TMEM45B: variants seen among roughly 807,000 people sequenced by gnomAD.
TMEM45B encodes transmembrane protein 45B.
TMEM45B carries 29 observed loss-of-function variants against 27.3 expected under a neutral mutation model. The ratio of observed to expected loss-of-function variants is 1.06; its 90% CI spans 0.79 to 1.45. The LOEUF is 1.45. TMEM45B is among the 40% of genes most tolerant of loss of function. The probability of loss-of-function intolerance (pLI) is 0.00; values close to 1 mark genes in which losing one functional copy is unlikely to be tolerated. For missense variants in TMEM45B, 348 were observed against 343.9 expected (o/e 1.01, Z -0.09); for synonymous variants, 143 against 134.7 (o/e 1.06, Z -0.43).
intron 1 of TMEM45B, among the ~76,000 whole-genome samples, chr11:129,838,874 TC>T (rs1173142408): frequency 6.6e-6 from 1 of 152,164 alleles, no homozygotes. Context: ...ATTCCTGCTT[TC>T]CCCCTCTAAA....
intron 1 of TMEM45B, among the ~76,000 whole-genome samples, chr11:129,821,529 A>G (rs1365776793): frequency 6.6e-6 from 1 of 152,142 alleles, no homozygotes; most frequent in Non-Finnish European, 1.5e-5. Flanking sequence ...TTCTTAAAGA[A>G]GGCTCCCAAA....
intron 1 of TMEM45B, among the ~76,000 whole-genome samples, chr11:129,837,534 G>A (rs1258379504): frequency 2.7e-5 from 4 of 147,916 alleles, no homozygotes; most frequent in Non-Finnish European, 5.9e-5. Context: ...CAATCTGCCC[G>A]CCTCGGCCTC....
intron 1 of TMEM45B, among the ~76,000 whole-genome samples, chr11:129,832,147 G>A (rs1242777218): frequency 6.6e-6 from 1 of 151,278 alleles, no homozygotes; most frequent in East Asian, 1.9e-4. Context: ...GAGGCAGGTG[G>A]ATCATGAGGT....
At chr11:129,829,674 A>G (rs1247855835) in intron 1 of TMEM45B, among the ~76,000 whole-genome samples, 1 of 152,220 alleles carries the variant, frequency 6.6e-6, no homozygotes, top group Non-Finnish European at 1.5e-5. Flanking sequence ...TTTTTCCAGG[A>G]AGCTTTCATG....
chr11:129,848,751 T>C (rs1669758547), intron 1 of TMEM45B, among the ~76,000 whole-genome samples: 1 of 152,168 alleles, frequency 6.6e-6, no homozygotes, highest in Admixed American at 6.5e-5. Context: ...CTGGGTAACT[T>C]ATAAAGAACA....
chr11:129,855,143 G>T (rs146833711), intron 3 of TMEM45B, among the ~76,000 whole-genome samples: 6 of 152,272 alleles, frequency 3.9e-5, no homozygotes, highest in Non-Finnish European at 7.4e-5. Flanking sequence ...GGACGTATGT[G>T]CGCACATACA....
At chr11:129,858,307 T>A (rs1175300572) in intron 5 of TMEM45B, among the ~76,000 whole-genome samples, 1 of 152,188 alleles carries the variant, frequency 6.6e-6, no homozygotes, top group African/African-American at 2.4e-5. Flanking sequence ...TCAAGTCAGT[T>A]TCTTTTAGTT....
rs1947633090 is a variant in TMEM45B at position 129,837,353 on chromosome 11, T to G, written c.-8-15122T>G. On this transcript the variant is annotated intron_variant, in intron 1 of 5. Transcript: ENST00000281441. ...CAGGCTGAAGTGCAGTGGCGCCATC[T>G]CAGCTCACTGCAACCTCTGCCTCCC... Among the ~76,000 whole-genome samples the G allele has an allele frequency of 3.9e-5, 6 of 151,986 alleles. No homozygotes were observed. In the South Asian group the frequency reaches 1.3e-3, roughly 32 times the overall value.
chr11:129,856,040 C>A (rs76050748), intron 4 of TMEM45B, 148 bp downstream of exon 4: 5 of 898,956 alleles, frequency 5.6e-6, no homozygotes, highest in Non-Finnish European at 8.3e-6. Flanking sequence ...CTTTTCCCCC[C>A]ATGCCCGCCC....
intron 1 of TMEM45B, among the ~76,000 whole-genome samples, chr11:129,838,750 A>G (rs1159651276): frequency 2.6e-5 from 4 of 152,292 alleles, no homozygotes; most frequent in Middle Eastern, 3.4e-3. Context: ...CTCTGGGAGC[A>G]ACGTAATGTT....
intron 1 of TMEM45B, among the ~76,000 whole-genome samples, chr11:129,851,653 C>T (rs1434553715): frequency 6.6e-6 from 1 of 151,888 alleles, no homozygotes. Flanking sequence ...GTATTTTTCT[C>T]CCACCCTACA....
intron 1 of TMEM45B, among the ~76,000 whole-genome samples, chr11:129,822,926 C>T (rs1947437385): frequency 6.6e-6 from 1 of 151,306 alleles, no homozygotes; most frequent in Non-Finnish European, 1.5e-5. Context: ...CTGCAAGCTC[C>T]GCCTCCCGAG....
At chr11:129,843,307 A>G (rs1219064437) in intron 1 of TMEM45B, among the ~76,000 whole-genome samples, 1 of 152,188 alleles carries the variant, frequency 6.6e-6, no homozygotes, top group Non-Finnish European at 1.5e-5. Context: ...AAAAGTTATG[A>G]TTTTGTAGTT....
intron 1 of TMEM45B, among the ~76,000 whole-genome samples, chr11:129,843,084 C>T (rs1208991426): frequency 1.2e-4 from 18 of 152,342 alleles, no homozygotes; most frequent in Non-Finnish European, 4.4e-5. Flanking sequence ...GAACTACAGG[C>T]ATGCGCCACC....
In TMEM45B at chr11:129,852,503, C is replaced by T. The variant is rs375213557; in HGVS notation, c.21C>T (p.His7=). ...TCCTGATGGCAAATTTCAAGGGCCA[C>T]GCGCTTCCAGGGAGTTTCTTCCTGA... The part of the protein sequence containing the change: MANFKG[H]ALPGSFFLII... The change falls in exon 2 of 6, where the codon CAC becomes CAT. Residue 7 remains histidine, a synonymous_variant. Transcript: ENST00000281441. The T allele has an allele frequency of 1.6e-5, 25 of 1,603,610 alleles. No homozygotes were observed. Among genetic ancestry groups the T allele is most frequent in the East Asian group, 4.5e-5 (2 of 44,582 alleles).
intron 1 of TMEM45B, among the ~76,000 whole-genome samples, chr11:129,839,685 G>A (rs1395406357): frequency 3.3e-5 from 5 of 151,990 alleles, no homozygotes; most frequent in South Asian, 4.2e-4. Flanking sequence ...GACTACAGGC[G>A]TGCCCTTCCA....
In TMEM45B at chr11:129,855,467, C is replaced by G. The variant is rs1330214928; in HGVS notation, c.386-241C>G. On this transcript the variant is annotated intron_variant, in intron 3 of 5. Coordinates refer to ENST00000281441, the MANE Select transcript of TMEM45B (RefSeq NM_138788.5). The stretch of plus-strand genomic sequence containing the variant: ...GTTACAAATCAGCAACATGCTTCAG[C>G]CGGCCCATCCTATACTGACCCCACC... Among the ~76,000 whole-genome samples, 5 of 152,202 alleles carry G rather than the reference C, an allele frequency of 3.3e-5. No individual in the cohort carries two copies. The South Asian group carries it at 8.3e-4, about 25-fold the overall frequency.
chr11:129,847,381 G>A (rs1027343016), intron 1 of TMEM45B, among the ~76,000 whole-genome samples: 4 of 151,400 alleles, frequency 2.6e-5, no homozygotes, highest in Admixed American at 2.6e-4. Context: ...AAAACTGTAA[G>A]CATTTTTTTA....
intron 1 of TMEM45B, among the ~76,000 whole-genome samples, chr11:129,832,065 C>CAAAAAAA (rs57336005): frequency 2.0e-4 from 12 of 58,608 alleles, no homozygotes; most frequent in Non-Finnish European, 1.1e-4. Flanking sequence ...GATTCCATCT[C>CAAAAAAA]AAAAAAAAAA....
Sources: gnomAD v4.1 joint callset for allele counts (sites outside exome capture counted in the v4.1 genomes callset) on GRCh38, gnomAD v4.1.1 for gene constraint, MANE v1.5 for transcripts, NCBI Gene and HGNC (gene_info 2026-07-23, HGNC 2026-07-21) for gene names.